Variants in SUPT3H observed in about 807,000 individuals in gnomAD.
SUPT3H encodes transcription initiation protein SPT3 homolog.
A neutral mutation model predicts 44.3 loss-of-function variants in SUPT3H; 44 were observed. The observed-to-expected ratio is 0.99, with a 90% CI of 0.78 to 1.28. The LOEUF (loss-of-function observed/expected upper bound fraction) is 1.28, where lower values mean the gene tolerates loss of function less well. Among genes scored for constraint, SUPT3H ranks in the 50% most tolerant of loss-of-function variants. SUPT3H has a pLI of 0.00. For missense variants in SUPT3H, 380 were observed against 387.1 expected (o/e 0.98, Z 0.15); for synonymous variants, 124 against 125.6 (o/e 0.99, Z 0.09).
intron 3 of SUPT3H, among the ~76,000 whole-genome samples, chr6:45,062,818 G>C (rs1409314282): frequency 6.6e-6 from 1 of 152,018 alleles, no homozygotes; most frequent in Non-Finnish European, 1.5e-5. Context: ...CTACGCCCAC[G>C]GAGTCTCCCT....
intron 2 of SUPT3H, among the ~76,000 whole-genome samples, chr6:45,206,344 G>C (rs1376630297): frequency 1.3e-5 from 2 of 152,108 alleles, no homozygotes; most frequent in Non-Finnish European, 2.9e-5. Context: ...CAATGATGAG[G>C]AGACCTTTAA....
chr6:44,865,051 T>G (rs570283543), intron 10 of SUPT3H, among the ~76,000 whole-genome samples: 273 of 152,332 alleles, frequency 1.8e-3, no homozygotes, highest in African/African-American at 6.4e-3. Context: ...CCAGATACCT[T>G]AAATCATCTC....
intron 2 of SUPT3H, among the ~76,000 whole-genome samples, chr6:45,175,832 T>C (rs547013322): frequency 3.9e-5 from 6 of 152,354 alleles, no homozygotes; most frequent in African/African-American, 1.4e-4. Context: ...GATAACTCCA[T>C]GATTCAAAGC....
chr6:45,269,945 A>C (rs1215836418), intron 2 of SUPT3H, among the ~76,000 whole-genome samples: 3 of 151,436 alleles, frequency 2.0e-5, no homozygotes, highest in Admixed American at 6.6e-5. Flanking sequence ...GACCCTACTC[A>C]CTCCCTGCTC....
At chr6:45,304,171 T>A (rs1782628618) in intron 2 of SUPT3H, among the ~76,000 whole-genome samples, 1 of 152,108 alleles carries the variant, frequency 6.6e-6, no homozygotes, top group Non-Finnish European at 1.5e-5. Context: ...AATAATATAC[T>A]TTTTATCTAT....
intron 2 of SUPT3H, among the ~76,000 whole-genome samples, chr6:45,120,331 T>G (rs1801434309): frequency 7.0e-6 from 1 of 143,178 alleles, no homozygotes; most frequent in Non-Finnish European, 1.5e-5. Context: ...CTGTTTATAA[T>G]CCCAGGATTT....
At chr6:45,132,690 T>C (rs1456979707) in intron 2 of SUPT3H, among the ~76,000 whole-genome samples, 1 of 152,152 alleles carries the variant, frequency 6.6e-6, no homozygotes, top group Non-Finnish European at 1.5e-5. Flanking sequence ...CAATGGAAAA[T>C]AACCCATCTG....
At position 45,067,851 on chromosome 6, in the gene SUPT3H, T is replaced by C. The variant is rs1793649582; in HGVS notation, c.186+38071A>G. ...AGGATGTGGAGAAATAGGAACACTT[T>C]TACACTGTTGGTGGGACTGTAAACT... is the stretch of plus-strand genomic sequence containing the variant. On this transcript the variant is annotated intron_variant, in intron 3 of 10. Coordinates refer to ENST00000371459, the MANE Select transcript of SUPT3H (RefSeq NM_003599.4). 3.4e-5 allele frequency among the ~76,000 whole-genome samples: 5 copies of C among 146,192 alleles called. No individual in the cohort carries two copies. In the South Asian group the frequency reaches 1.1e-3, roughly 33 times the overall value.
At chr6:45,372,491 A>G (rs909777573) in intron 1 of SUPT3H, among the ~76,000 whole-genome samples, 1 of 152,216 alleles carries the variant, frequency 6.6e-6, no homozygotes, top group African/African-American at 2.4e-5. Context: ...CAGTCATAAA[A>G]CCACTATAGC....
At chr6:45,373,642 C>A (rs1468155702) in intron 1 of SUPT3H, among the ~76,000 whole-genome samples, 1 of 152,086 alleles carries the variant, frequency 6.6e-6, no homozygotes, top group Non-Finnish European at 1.5e-5. Flanking sequence ...CCTCCGCCTC[C>A]CGGGTTCAAG....
intron 2 of SUPT3H, among the ~76,000 whole-genome samples, chr6:45,184,393 C>T (rs899521425): frequency 1.3e-5 from 2 of 151,986 alleles, no homozygotes; most frequent in African/African-American, 4.8e-5. Flanking sequence ...TGAATCACAG[C>T]CCGATGTCCA....
intron 1 of SUPT3H, among the ~76,000 whole-genome samples, chr6:45,375,448 T>G (rs539744194): frequency 6.6e-6 from 1 of 152,288 alleles, no homozygotes; most frequent in South Asian, 2.1e-4. Context: ...CCATTCTGAT[T>G]TGTATATTAT....
chr6:45,092,344 T>G (rs1174095826), intron 3 of SUPT3H, among the ~76,000 whole-genome samples: 1 of 152,234 alleles, frequency 6.6e-6, no homozygotes, highest in Non-Finnish European at 1.5e-5. Flanking sequence ...GCAAAGTCAG[T>G]GAAAATTTTA....
chr6:45,053,909 C>T (rs1387195020), intron 3 of SUPT3H, among the ~76,000 whole-genome samples: 12 of 139,890 alleles, frequency 8.6e-5, no homozygotes, highest in African/African-American at 2.0e-4. Context: ...AGCAAGACTC[C>T]GTCTCAAAAA....
intron 10 of SUPT3H, among the ~76,000 whole-genome samples, chr6:44,869,716 C>A (rs955578154): frequency 1.3e-5 from 2 of 152,134 alleles, no homozygotes; most frequent in African/African-American, 4.8e-5. Context: ...CACAGTCCAC[C>A]GGAAGATATA....
At chr6:44,869,055 T>C (rs1486317763) in intron 10 of SUPT3H, among the ~76,000 whole-genome samples, 1 of 152,242 alleles carries the variant, frequency 6.6e-6, no homozygotes, top group Non-Finnish European at 1.5e-5. Flanking sequence ...CAGTAGCAGG[T>C]AAGATGTGAA....
intron 3 of SUPT3H, among the ~76,000 whole-genome samples, chr6:45,028,784 T>C (rs1786425841): frequency 6.7e-6 from 1 of 149,254 alleles, no homozygotes; most frequent in African/African-American, 2.5e-5. Context: ...TTATTCAGAA[T>C]AGAGGAAGAT....
At chr6:44,959,339 AAGG>A (rs1383011570) in intron 7 of SUPT3H, among the ~76,000 whole-genome samples, 1 of 152,196 alleles carries the variant, frequency 6.6e-6, no homozygotes, top group Admixed American at 6.5e-5. Context: ...CAACATAGAA[AAGG>A]AGGAGAAAAA....
chr6:44,909,124 GGTGTGTGTGTGT>G (rs747035626), intron 10 of SUPT3H, among the ~76,000 whole-genome samples: 4 of 117,054 alleles, frequency 3.4e-5, no homozygotes, highest in Non-Finnish European at 5.3e-5. Context: ...ATACCTAAGA[GGTGTGTGTGTGT>G]GTGTGCGTGT....
Sources: allele counts gnomAD v4.1 joint callset (sites outside exome capture counted in the v4.1 genomes callset), GRCh38; gene constraint gnomAD v4.1.1; transcripts MANE v1.5; gene names NCBI Gene and HGNC (gene_info 2026-07-23, HGNC 2026-07-21).